TAF3: variants seen among roughly 807,000 people sequenced by gnomAD.
TAF3 encodes the protein TATA-box binding protein associated factor 3.
In TAF3, 7 loss-of-function variants were observed where a neutral mutation model predicts 80.6. The observed-to-expected ratio is 0.09, with a 90% CI of 0.05 to 0.16. TAF3 has a LOEUF of 0.16. TAF3 is among the 10% of genes least tolerant of loss of function. The pLI, the probability that TAF3 is intolerant of heterozygous loss-of-function variation, is 1.00. For missense variants in TAF3, 921 were observed against 1,140.2 expected (o/e 0.81, Z 2.77); for synonymous variants, 444 against 446.1 (o/e 1.00, Z 0.06).
chr10:7,962,128 G>A (rs887779559), intron 2 of TAF3, among the ~76,000 whole-genome samples: 8 of 152,174 alleles, frequency 5.3e-5, no homozygotes, highest in African/African-American at 1.9e-4. Context: ...TGGCATTACA[G>A]GCATGAGCCA....
At chr10:7,953,015 C>T (rs1348939916) in intron 2 of TAF3, among the ~76,000 whole-genome samples, 1 of 152,086 alleles carries the variant, frequency 6.6e-6, no homozygotes, top group African/African-American at 2.4e-5. Flanking sequence ...CCTTCTTTTC[C>T]TTCCCAGCAT....
chr10:7,873,621 C>A (rs1348307399), intron 2 of TAF3, among the ~76,000 whole-genome samples: 2 of 130,410 alleles, frequency 1.5e-5, no homozygotes, highest in Non-Finnish European at 3.4e-5. Context: ...GAGTTCTCCC[C>A]CCCCCCCCGT....
chr10:7,828,647 G>T (rs1369164857), intron 2 of TAF3, among the ~76,000 whole-genome samples: 1 of 150,896 alleles, frequency 6.6e-6, no homozygotes, highest in South Asian at 2.1e-4. Flanking sequence ...CTATGCCAAA[G>T]TCATTGTTGG....
chr10:8,005,383 G>C (rs1463322068), intron 4 of TAF3, among the ~76,000 whole-genome samples: 1 of 152,154 alleles, frequency 6.6e-6, no homozygotes, highest in Non-Finnish European at 1.5e-5. Flanking sequence ...TCAGGATTGT[G>C]CTGTGTGCCT....
chr10:7,890,050 T>C (rs1443191525), intron 2 of TAF3, among the ~76,000 whole-genome samples: 3 of 152,204 alleles, frequency 2.0e-5, no homozygotes. Context: ...TATTTTGACT[T>C]CCAGATAAAA....
At chr10:7,883,030 A>G (rs1172607514) in intron 2 of TAF3, among the ~76,000 whole-genome samples, 2 of 152,158 alleles carry the variant, frequency 1.3e-5, no homozygotes, top group Non-Finnish European at 2.9e-5. Flanking sequence ...GTGGCTTCTC[A>G]TATGTAACAG....
intron 4 of TAF3, among the ~76,000 whole-genome samples, chr10:7,986,753 C>T (rs1831782348): frequency 6.6e-6 from 1 of 152,108 alleles, no homozygotes; most frequent in African/African-American, 2.4e-5. Flanking sequence ...TCCTTATTCA[C>T]AGGGATCCAT....
chr10:7,925,814 A>AAAAG (rs1554782326), intron 2 of TAF3, among the ~76,000 whole-genome samples: 4 of 133,288 alleles, frequency 3.0e-5, no homozygotes, highest in African/African-American at 8.2e-5. Context: ...AAAAAAAAAG[A>AAAAG]AAAGAAAAGA....
intron 2 of TAF3, among the ~76,000 whole-genome samples, chr10:7,836,581 A>G (rs1836854259): frequency 6.6e-6 from 1 of 151,862 alleles, no homozygotes; most frequent in Non-Finnish European, 1.5e-5. Context: ...GCCCATTTCC[A>G]CATTTTCTTA....
At chr10:7,851,853 T>C (rs1422124339) in intron 2 of TAF3, among the ~76,000 whole-genome samples, 1 of 152,124 alleles carries the variant, frequency 6.6e-6, no homozygotes, top group Non-Finnish European at 1.5e-5. Context: ...GGTACAGTCC[T>C]GGCTTGCTGC....
intron 2 of TAF3, among the ~76,000 whole-genome samples, chr10:7,944,095 G>GCT (rs1838001549): frequency 4.6e-5 from 3 of 65,618 alleles, no homozygotes; most frequent in African/African-American, 1.2e-4. Context: ...GTTCATGCTT[G>GCT]TGTGTGTGTG....
rs1246650033 is a variant in TAF3, at chr10:8,013,743, T to C, written c.2581T>C (p.Trp861Arg). Residue 861 changes from tryptophan to arginine, a missense_variant, in exon 6 of 7, where the codon TGG (tryptophan) becomes CGG (arginine). By Grantham distance (101) the Trp-to-Arg change is moderately radical (BLOSUM62 -3). Around this residue, in one of 6 missense-constraint regions of TAF3, gnomAD observed 27 missense variants for 42.5 expected, o/e 0.64. Transcript: ENST00000344293. ...TVSTYVIRDE[W>R]GNQIWICPGC... ...TTGCAAACATCAGATCCGAGATGAG[T>C]GGGGCAATCAGATCTGGATCTGCCC... The C allele has an allele frequency of 5.0e-6, 8 of 1,613,752 alleles. No individual in the cohort carries two copies. The highest frequency in any genetic ancestry group is 5.9e-6 in the Non-Finnish European group (7 of 1,179,934).
At chr10:8,001,877 A>G (rs1831947901) in intron 4 of TAF3, among the ~76,000 whole-genome samples, 1 of 152,198 alleles carries the variant, frequency 6.6e-6, no homozygotes, top group Admixed American at 6.5e-5. Flanking sequence ...TCTGAAAATT[A>G]TTGTAGACAA....
At chr10:7,961,635 A>G (rs560811588) in intron 2 of TAF3, among the ~76,000 whole-genome samples, 1 of 152,064 alleles carries the variant, frequency 6.6e-6, no homozygotes, top group Admixed American at 6.5e-5. Flanking sequence ...TGGTGACTTT[A>G]GTTATCTCAA....
intron 2 of TAF3, among the ~76,000 whole-genome samples, chr10:7,831,502 C>A (rs1035911978): frequency 6.6e-6 from 1 of 152,240 alleles, no homozygotes; most frequent in African/African-American, 2.4e-5. Flanking sequence ...TGTGCCACCA[C>A]GCCCGGCTAA....
In TAF3 at chr10:7,989,792, A is replaced by G. The variant is rs146613991; in HGVS notation, c.2315+12469A>G. Among the ~76,000 whole-genome samples the G allele has an allele frequency of 2.4e-3, 363 of 152,278 alleles. 1 individual carries two copies. Among genetic ancestry groups the G allele is most frequent in the Middle Eastern group, 0.014 (4 of 294 alleles). ...CCTTTGACCCCAGATGCAGAGAATG[A>G]TTGTTAGTTAGGTAAAAATGAGATG... On this transcript the variant is annotated intron_variant, in intron 4 of 6. Coordinates refer to ENST00000344293, the MANE Select transcript of TAF3 (RefSeq NM_031923.4).
chr10:7,991,747 G>A (rs1831836319), intron 4 of TAF3, among the ~76,000 whole-genome samples: 1 of 152,132 alleles, frequency 6.6e-6, no homozygotes, highest in Non-Finnish European at 1.5e-5. Flanking sequence ...AGTACAATAA[G>A]AATTCATATA....
chr10:7,907,417 T>G (rs1170243853), intron 2 of TAF3, among the ~76,000 whole-genome samples: 2 of 152,234 alleles, frequency 1.3e-5, no homozygotes, highest in Non-Finnish European at 2.9e-5. Flanking sequence ...TTGTATTTAA[T>G]TTATATTAGA....
At chr10:7,824,871 G>C (rs187786321) in intron 2 of TAF3, among the ~76,000 whole-genome samples, 1 of 152,266 alleles carries the variant, frequency 6.6e-6, no homozygotes, top group African/African-American at 2.4e-5. Context: ...AGGTAAATTA[G>C]AAAACATTTG....
Sources: gnomAD v4.1 joint callset for allele counts (sites outside exome capture counted in the v4.1 genomes callset) on GRCh38, gnomAD v4.1.1 for gene constraint, gnomAD v4.1.1 regional missense constraint, MANE v1.5 for transcripts, NCBI Gene and HGNC (gene_info 2026-07-23, HGNC 2026-07-21) for gene names.